IL1B: variants seen among roughly 807,000 people sequenced by gnomAD.
IL1B encodes the protein interleukin 1 beta.
In IL1B, 11 loss-of-function variants were observed where a neutral mutation model predicts 26.2. The ratio of observed to expected loss-of-function variants is 0.42; its 90% CI spans 0.26 to 0.70. IL1B has a LOEUF of 0.70. IL1B is among the 30% of genes least tolerant of loss of function. IL1B has a pLI of 0.25. For synonymous variants in IL1B, 118 were observed against 120.8 expected, an observed-to-expected ratio of 0.98 and a Z score of 0.15; for missense variants, 255 against 327.5, an observed-to-expected ratio of 0.78 and a Z score of 1.71.
chr2:112,835,489 G>T, intron 3 of IL1B, 77 bp downstream of exon 3: 1 of 1,132,024 alleles, frequency 8.8e-7, no homozygotes, highest in Non-Finnish European at 1.4e-6. Flanking sequence ...GCATCAAAGT[G>T]GCCCAGAACT....
chr2:112,830,130 G>T lies in IL1B; in HGVS notation c.*231C>A. The T allele has an allele frequency of 5.5e-6, 3 of 542,320 alleles. No homozygotes were observed. Among genetic ancestry groups the T allele is most frequent in the Non-Finnish European group, 3.3e-6 (1 of 302,322 alleles). 33.6% of individuals were successfully genotyped at this position (542,320 alleles called of 1,614,324 possible). A position where few individuals can be genotyped will look rare whatever the true frequency, so the allele number is the denominator to read the frequency against. ...TAAGTGAGTAGGAGAGGTGAGAGAGGCCTGGCTCAACAAAAGGGCTGGGGA... is the reference window on the plus strand; with the variant it reads ...TAAGTGAGTAGGAGAGGTGAGAGAGTCCTGGCTCAACAAAAGGGCTGGGGA... On this transcript the variant is annotated 3_prime_UTR_variant, in exon 7 of 7. Transcript: ENST00000263341.
chr2:112,835,116 A>G (rs1682064945), intron 3 of IL1B: 1 of 222,936 alleles, frequency 4.5e-6, no homozygotes, highest in Non-Finnish European at 9.1e-6. Context: ...TGTTTATATC[A>G]TCTATGTCTT....
At chr2:112,833,210 A>C in intron 4 of IL1B, 164 bp downstream of exon 4, 1 of 716,450 alleles carries the variant, frequency 1.4e-6, no homozygotes, top group Non-Finnish European at 2.5e-6. Context: ...AATAGTTTCC[A>C]CTAAAGAGAT....
At position 112,830,813 on chromosome 2, in the gene IL1B, T is replaced by G. The variant is rs3917361; in HGVS notation, c.598-240A>C. ...AATGTAGGTGAGAATTTTTTTTTTTTGGGGGGGTGAAAATTAAGCTAGAGC... is the reference window on the plus strand; with the variant it reads ...AATGTAGGTGAGAATTTTTTTTTTTGGGGGGGGTGAAAATTAAGCTAGAGC... On this transcript the variant is annotated intron_variant, in intron 6 of 6. Transcript: ENST00000263341. Among the ~76,000 whole-genome samples the G allele has an allele frequency of 2.7e-3, 406 of 151,858 alleles. 3 individuals carry two copies. The highest frequency in any genetic ancestry group is 3.9e-3 in the African/African-American group (160 of 41,422).
intron 2 of IL1B, 137 bp from the exon 3 acceptor site, chr2:112,835,754 G>A (rs1007732673): frequency 1.3e-5 from 10 of 775,366 alleles, no homozygotes; most frequent in Admixed American, 2.0e-5. Flanking sequence ...CACCTGGCAA[G>A]TTTCACAGTG....
rs563094943 is a variant in IL1B at position 112,833,260 on chromosome 2, G to C, written c.301+114C>G. The C allele has an allele frequency of 3.2e-5, 30 of 944,084 alleles. No homozygotes were observed. The East Asian group carries it at 7.4e-4, about 23-fold the overall frequency. 58.5% of individuals were successfully genotyped at this position (944,084 alleles called of 1,614,324 possible). ...CCAGCCTTCTTTGTTTTGTCTCCCC[G>C]CTGGGCCTTCTACCTTTAAAGGGCT... On this transcript the variant is annotated intron_variant, in intron 4 of 6. Transcript: ENST00000263341.
Position 112,830,083 on chromosome 2 carries a change from G to A in IL1B, c.*278C>T, listed in dbSNP as rs903942911. Reference sequence around the variant, plus strand: ...GGGTTTCTTAGAACCAAATGTGGCCGTGGTTTCTGTCAGGCGGGCTTTAAG... The same window carrying A: ...GGGTTTCTTAGAACCAAATGTGGCCATGGTTTCTGTCAGGCGGGCTTTAAG... On this transcript the variant is annotated 3_prime_UTR_variant, in exon 7 of 7. Transcript: ENST00000263341. 1.0e-4 allele frequency: 39 copies of A among 380,482 alleles called. No individual in the cohort carries two copies. Among genetic ancestry groups the A allele is most frequent in the African/African-American group, 6.5e-4 (32 of 49,422 alleles). 23.6% of individuals were successfully genotyped at this position (380,482 alleles called of 1,614,324 possible). A position where few individuals can be genotyped will look rare whatever the true frequency, so the allele number is the denominator to read the frequency against.
In IL1B at chr2:112,836,769, A is replaced by T. The variant is rs1034588398; in HGVS notation, c.-77T>A. On this transcript the variant is annotated 5_prime_UTR_variant, in exon 1 of 7. Transcript: ENST00000263341. ...CAGCCTGTTGTGCCTTGTGCCTCGA[A>T]GAGGTTTGGTATCTGCCAGTTTCTC... 4 of 155,852 alleles carry T rather than the reference A, an allele frequency of 2.6e-5. No individual in the cohort carries two copies. Among genetic ancestry groups the T allele is most frequent in the Non-Finnish European group, 5.7e-5 (4 of 70,006 alleles). The allele number at this position is 155,852 out of a possible 1,614,324, so 9.7% of individuals were successfully genotyped here.
At chr2:112,831,695 T>TGAAG (rs1042239646) in intron 5 of IL1B, among the ~76,000 whole-genome samples, 7 of 152,054 alleles carry the variant, frequency 4.6e-5, no homozygotes, top group African/African-American at 7.2e-5. Context: ...TTTTAAATGC[T>TGAAG]GAAGGAAGGA....
intron 4 of IL1B, 50 bp from the exon 5 acceptor site, chr2:112,832,876 C>T: frequency 6.2e-7 from 1 of 1,605,758 alleles, no homozygotes. Flanking sequence ...AAGGGCAGGC[C>T]TCGTGAGGCG....
intron 5 of IL1B, 106 bp from the exon 6 acceptor site, chr2:112,831,528 A>T: frequency 2.3e-6 from 3 of 1,296,970 alleles, no homozygotes; most frequent in Non-Finnish European, 3.3e-6. Flanking sequence ...CCTCTGTGGG[A>T]ACCCACAGTG....
At chr2:112,836,318 T>C (rs968552645) in intron 1 of IL1B, 74 bp from the exon 2 acceptor site, 23 of 1,030,604 alleles carry the variant, frequency 2.2e-5, no homozygotes. Context: ...CAGCATCCAG[T>C]GCATGGCAGT....
At chr2:112,830,776 G>A (rs959738070) in intron 6 of IL1B, among the ~76,000 whole-genome samples, 10 of 152,048 alleles carry the variant, frequency 6.6e-5, no homozygotes, top group African/African-American at 2.2e-4. Context: ...AGTGCCAAAT[G>A]CTGAGGAGCA....
At position 112,830,193 on chromosome 2, in the gene IL1B, T is replaced by G; in HGVS notation, c.*168A>C. 1 of 630,018 alleles carries G rather than the reference T, an allele frequency of 1.6e-6. No homozygotes were observed. Among genetic ancestry groups the G allele is most frequent in the Non-Finnish European group, 2.8e-6 (1 of 350,970 alleles). The allele number at this position is 630,018 out of a possible 1,614,324, so 39.0% of individuals were successfully genotyped here. A position where few individuals can be genotyped will look rare whatever the true frequency, so the allele number is the denominator to read the frequency against. On this transcript the variant is annotated 3_prime_UTR_variant, in exon 7 of 7. Coordinates refer to ENST00000263341, the MANE Select transcript of IL1B (RefSeq NM_000576.3). ...GGAGAGAGCTGACTGTCCTGGCTGA[T>G]GGACAGGAGATCCTCTTAGCACTAC...
intron 5 of IL1B, among the ~76,000 whole-genome samples, chr2:112,832,241 C>T (rs1297056857): frequency 2.0e-5 from 3 of 151,596 alleles, no homozygotes; most frequent in African/African-American, 4.8e-5. Flanking sequence ...TTGGGTGGGA[C>T]GGATGTTGGG....
chr2:112,835,356 G>GCCA (rs1265308183), intron 3 of IL1B: 7 of 619,158 alleles, frequency 1.1e-5, no homozygotes, highest in Non-Finnish European at 2.1e-5. Flanking sequence ...ACCAAGTGTG[G>GCCA]CCACCACCAC....
At chr2:112,831,810 C>T (rs2104934812) in intron 5 of IL1B, among the ~76,000 whole-genome samples, 1 of 152,306 alleles carries the variant, frequency 6.6e-6, no homozygotes, top group African/African-American at 2.4e-5. Context: ...TGTACTTCTG[C>T]CAGAAATCAG....
At chr2:112,836,334 A>G in intron 1 of IL1B, 90 bp from the exon 2 acceptor site, 3 of 916,388 alleles carry the variant, frequency 3.3e-6, no homozygotes, top group Non-Finnish European at 5.4e-6. Flanking sequence ...GCAGTCATGC[A>G]AAGAAATGAT....
intron 6 of IL1B, chr2:112,831,078 A>C (rs756303170): frequency 3.5e-6 from 2 of 566,208 alleles, no homozygotes; most frequent in Non-Finnish European, 3.2e-6. Context: ...ATGGTAGGAC[A>C]TAATAACATC....
Sources: allele counts gnomAD v4.1 joint callset (sites outside exome capture counted in the v4.1 genomes callset), GRCh38; gene constraint gnomAD v4.1.1; transcripts MANE v1.5; gene names NCBI Gene and HGNC (gene_info 2026-07-23, HGNC 2026-07-21).